The following CELF2 variants were observed in gnomAD, a reference collection of about 807,000 sequenced individuals.
The protein encoded by CELF2 is CUG triplet repeat RNA-binding protein 2.
In CELF2, 8 loss-of-function variants were observed where a neutral mutation model predicts 62.6. The ratio of observed to expected loss-of-function variants is 0.13; its 90% CI spans 0.07 to 0.23. The LOEUF is 0.23. Ranked by LOEUF, CELF2 falls within the 10% of genes least tolerant of loss-of-function variation. CELF2 has a pLI of 1.00. For synonymous variants in CELF2, 258 were observed against 250.0 expected (o/e 1.03, Z -0.30); for missense variants, 333 against 671.0 (o/e 0.50, Z 5.56).
intron 8 of CELF2, 113 bp from the exon 9 acceptor site, chr10:11,288,305 C>T (rs996809576): frequency 1.1e-4 from 143 of 1,360,814 alleles, no homozygotes; most frequent in Non-Finnish European, 1.3e-4. Flanking sequence ...TGACCTTGCA[C>T]AGGGTCGTCT....
chr10:10,921,249 C>T (rs921237621), intron 2 of CELF2, among the ~76,000 whole-genome samples: 6 of 151,298 alleles, frequency 4.0e-5, no homozygotes, highest in Non-Finnish European at 7.4e-5. Flanking sequence ...ACCACTGTGC[C>T]CGGCCAGGTG....
the CELF2 span, among the ~76,000 whole-genome samples, chr10:10,681,041 TTTTA>T: frequency 1.3e-5 from 2 of 152,122 alleles, no homozygotes; most frequent in Admixed American, 6.6e-5. Context: ...TCTCAAGGGT[TTTTA>T]TTTATTCTGT....
At chr10:10,575,083 A>G in the CELF2 span, among the ~76,000 whole-genome samples, 1 of 152,104 alleles carries the variant, frequency 6.6e-6, no homozygotes, top group Non-Finnish European at 1.5e-5. Flanking sequence ...AATGCTAAGT[A>G]TACCTAATAA....
intron 9 of CELF2, among the ~76,000 whole-genome samples, chr10:11,304,530 C>G (rs926157147): frequency 6.6e-6 from 1 of 152,196 alleles, no homozygotes; most frequent in Non-Finnish European, 1.5e-5. Context: ...GGTGGGGACT[C>G]TGCAGTCCTG....
At chr10:10,535,696 G>A in the CELF2 span, among the ~76,000 whole-genome samples, 1 of 152,120 alleles carries the variant, frequency 6.6e-6, no homozygotes, top group African/African-American at 2.4e-5. Context: ...TCCAGCCTGG[G>A]CGACAGAGTG....
rs551293899 is a variant in CELF2 at position 10,993,894 on chromosome 10, A to G, written c.89+73895A>G. Among the ~76,000 whole-genome samples the G allele has an allele frequency of 3.3e-5, 5 of 152,194 alleles. No homozygotes were observed. The highest frequency in any genetic ancestry group is 7.3e-5 in the Non-Finnish European group (5 of 68,028). ...GGGGCCCCAATCCAGTAGGACTAGT[A>G]TCCTTATCAGAAAAAAAAGACACTA... On this transcript the variant is annotated intron_variant, in intron 2 of 13. Transcript: ENST00000636488. The surrounding 1 kb of genome is among the most constrained non-coding windows in gnomAD (Gnocchi z 5.3).
At position 10,936,136 on chromosome 10, in the gene CELF2, T is replaced by C. The variant is rs1007487181; in HGVS notation, c.89+16137T>C. 6.6e-6 allele frequency among the ~76,000 whole-genome samples: 1 copy of C among 151,946 alleles called. No homozygotes were observed. Among genetic ancestry groups the C allele is most frequent in the Non-Finnish European group, 1.5e-5 (1 of 68,006 alleles). The stretch of plus-strand genomic sequence containing the variant: ...AAGATTGCACCACTGCACTCCAGCC[T>C]AGGTGACAGAGTGAGACTCCATCTC... On this transcript the variant is annotated intron_variant, in intron 2 of 13. Transcript: ENST00000636488. This position sits in a 1 kb window ranked among gnomAD's most constrained non-coding sequence, Gnocchi z 4.0.
chr10:11,095,535 G>C (rs570972565), intron 1 of CELF2, among the ~76,000 whole-genome samples: 7 of 152,320 alleles, frequency 4.6e-5, no homozygotes, highest in African/African-American at 1.7e-4. Flanking sequence ...TGCAGGGGGA[G>C]GGCAGCTGAG....
At chr10:10,854,871 G>C (rs2059611445) in intron 1 of CELF2, among the ~76,000 whole-genome samples, 1 of 151,522 alleles carries the variant, frequency 6.6e-6, no homozygotes, top group Non-Finnish European at 1.5e-5. Flanking sequence ...TACCAGGATT[G>C]AATCCACCCA....
chr10:10,935,679 T>C (rs1386138459), intron 2 of CELF2, among the ~76,000 whole-genome samples: 1 of 152,190 alleles, frequency 6.6e-6, no homozygotes, highest in Non-Finnish European at 1.5e-5. Flanking sequence ...GGAAATGAAA[T>C]GCTACAAAAG....
At chr10:10,781,722 C>T in the CELF2 span, among the ~76,000 whole-genome samples, 1 of 152,156 alleles carries the variant, frequency 6.6e-6, no homozygotes, top group African/African-American at 2.4e-5. Context: ...GTGTATTAGG[C>T]TCTACCATCT....
At chr10:10,470,276 C>CT in the CELF2 span, among the ~76,000 whole-genome samples, 17 of 151,504 alleles carry the variant, frequency 1.1e-4, no homozygotes, top group South Asian at 2.1e-4. Context: ...TCTTCTACCC[C>CT]TTTTTTTTAA....
intron 1 of CELF2, among the ~76,000 whole-genome samples, chr10:11,020,668 G>A (rs1166950794): frequency 6.6e-6 from 1 of 152,188 alleles, no homozygotes; most frequent in East Asian, 1.9e-4. Context: ...TAAAGCAGTA[G>A]AATATTTTCA....
intron 1 of CELF2, among the ~76,000 whole-genome samples, chr10:10,820,353 ACTCT>A (rs772223887): frequency 1.3e-5 from 2 of 152,048 alleles, no homozygotes; most frequent in Non-Finnish European, 2.9e-5. Context: ...CATTGCTCCA[ACTCT>A]CTGCATTGTC....
At chr10:11,276,734 C>T (rs926493213) in intron 8 of CELF2, among the ~76,000 whole-genome samples, 2 of 152,222 alleles carry the variant, frequency 1.3e-5, no homozygotes, top group African/African-American at 2.4e-5. Context: ...TCACTGGGTC[C>T]TGAGGCTGCT....
the CELF2 span, among the ~76,000 whole-genome samples, chr10:10,528,354 C>T: frequency 1.3e-5 from 2 of 152,128 alleles, no homozygotes; most frequent in Non-Finnish European, 2.9e-5. Context: ...GACACCTTGG[C>T]CTTCTTCACC....
At chr10:10,818,442 G>T (rs1025572792) in intron 1 of CELF2, among the ~76,000 whole-genome samples, 3 of 151,830 alleles carry the variant, frequency 2.0e-5, no homozygotes, top group African/African-American at 7.3e-5. Context: ...GATCCCAGTT[G>T]TATGACCTTA....
the CELF2 span, among the ~76,000 whole-genome samples, chr10:10,619,074 G>A: frequency 1.3e-5 from 2 of 152,216 alleles, no homozygotes; most frequent in Non-Finnish European, 2.9e-5. Flanking sequence ...GGAGGAAGGG[G>A]GAACTTCCAT....
chr10:11,284,460 G>C (rs2090413003), intron 8 of CELF2, among the ~76,000 whole-genome samples: 1 of 150,130 alleles, frequency 6.7e-6, no homozygotes. Flanking sequence ...GTGGATGAGG[G>C]ATGAGTGTGT....
Sources: allele counts gnomAD v4.1 joint callset (sites outside exome capture counted in the v4.1 genomes callset), GRCh38; gene constraint gnomAD v4.1.1; non-coding constraint Gnocchi (gnomAD v3.1); transcripts MANE v1.5; gene names NCBI Gene and HGNC (gene_info 2026-07-23, HGNC 2026-07-21).